The following SDK1 variants were observed in gnomAD, a reference collection of about 807,000 sequenced individuals.
SDK1 encodes protein sidekick-1.
In SDK1, 157 loss-of-function variants were observed where a neutral mutation model predicts 245.5. The ratio of observed to expected loss-of-function variants is 0.64; its 90% CI spans 0.56 to 0.73. The LOEUF (loss-of-function observed/expected upper bound fraction) is 0.73, where lower values mean the gene tolerates loss of function less well. SDK1 is among the 30% of genes least tolerant of loss of function. The pLI, the probability that SDK1 is intolerant of heterozygous loss-of-function variation, is 0.00. For missense variants in SDK1, 3,583 were observed against 3,002.3 expected (o/e 1.19, Z -4.52); for synonymous variants, 1,647 against 1,278.5 (o/e 1.29, Z -6.15).
At chr7:3,726,430 T>A (rs1779009792) in intron 4 of SDK1, among the ~76,000 whole-genome samples, 1 of 152,240 alleles carries the variant, frequency 6.6e-6, no homozygotes, top group Admixed American at 6.5e-5. Context: ...GTTTTTGCAG[T>A]CTTATGGCAA....
intron 1 of SDK1, among the ~76,000 whole-genome samples, chr7:3,507,358 C>T (rs1274038388): frequency 3.3e-5 from 5 of 152,168 alleles, no homozygotes; most frequent in Admixed American, 2.6e-4. Flanking sequence ...TTTGTATTCT[C>T]CCTTCAAATT....
At chr7:3,779,440 G>T (rs1034607746) in intron 4 of SDK1, among the ~76,000 whole-genome samples, 1 of 151,430 alleles carries the variant, frequency 6.6e-6, no homozygotes, top group Admixed American at 6.6e-5. Flanking sequence ...GTGTGGCAAA[G>T]CCAGTAACCT....
At chr7:3,389,451 C>T (rs1781691386) in intron 1 of SDK1, among the ~76,000 whole-genome samples, 1 of 152,112 alleles carries the variant, frequency 6.6e-6, no homozygotes, top group African/African-American at 2.4e-5. Flanking sequence ...AGGAATGGGC[C>T]ATGAGCCAAG....
intron 19 of SDK1, among the ~76,000 whole-genome samples, chr7:4,058,618 A>G (rs1300526507): frequency 1.3e-5 from 2 of 152,224 alleles, no homozygotes; most frequent in Non-Finnish European, 2.9e-5. Context: ...CTACTCACTT[A>G]TAAGAGAACC....
intron 4 of SDK1, among the ~76,000 whole-genome samples, chr7:3,699,432 A>G (rs1784676306): frequency 6.6e-6 from 1 of 152,220 alleles, no homozygotes; most frequent in African/African-American, 2.4e-5. Flanking sequence ...CTCAGCAAAG[A>G]AATAGAAGAG....
rs76090337 is a variant in SDK1, at chr7:3,457,052, G to T, written c.298+155168G>T. On this transcript the variant is annotated intron_variant, in intron 1 of 44. Coordinates refer to ENST00000404826, the MANE Select transcript of SDK1 (RefSeq NM_152744.4). ...CCTGGCTGCCTGGGAACTTTAATGG[G>T]GGAAGGGAGTCTGGAAAGAAGTGCT... Among the ~76,000 whole-genome samples, 1,349 of 152,260 alleles carry T rather than the reference G, an allele frequency of 8.9e-3. 15 individuals are homozygous for T. The highest frequency in any genetic ancestry group is 0.018 in the South Asian group (89 of 4,828).
intron 4 of SDK1, among the ~76,000 whole-genome samples, chr7:3,736,918 C>T (rs1779332509): frequency 6.6e-6 from 1 of 152,162 alleles, no homozygotes; most frequent in South Asian, 2.1e-4. Flanking sequence ...AAAGTTTGTA[C>T]CCTTTGACGA....
chr7:3,532,576 C>T (rs1783383610), intron 1 of SDK1, among the ~76,000 whole-genome samples: 1 of 152,178 alleles, frequency 6.6e-6, no homozygotes, highest in Non-Finnish European at 1.5e-5. Context: ...CCCAAGTCTT[C>T]TGTCTGCAAG....
intron 1 of SDK1, among the ~76,000 whole-genome samples, chr7:3,323,113 T>C (rs758090768): frequency 1.3e-5 from 2 of 152,182 alleles, no homozygotes; most frequent in Non-Finnish European, 2.9e-5. Context: ...GGTTTTGCCC[T>C]TTTGTTTGCA....
intron 1 of SDK1, among the ~76,000 whole-genome samples, chr7:3,459,300 A>G (rs751721840): frequency 7.9e-5 from 12 of 152,132 alleles, no homozygotes; most frequent in African/African-American, 1.4e-4. Context: ...CAGTTGTCAT[A>G]CTTTTTGTAT....
At position 4,185,959 on chromosome 7, in the gene SDK1, G is replaced by C. The variant is rs13235716; in HGVS notation, c.5098+7373G>C. Among the ~76,000 whole-genome samples, 747 of 152,232 alleles carry C rather than the reference G, an allele frequency of 4.9e-3. 2 individuals carry two copies. Among genetic ancestry groups the C allele is most frequent in the African/African-American group, 0.015 (627 of 41,546 alleles). On this transcript the variant is annotated intron_variant, in intron 35 of 44. Transcript: ENST00000404826. ...GACTGAGTGACCCCTGAGCTCTAAG[G>C]GGGGATGGAGCGGCTCCAGGGCCCA...
At chr7:4,067,353 A>G (rs536418636) in intron 19 of SDK1, among the ~76,000 whole-genome samples, 12 of 152,266 alleles carry the variant, frequency 7.9e-5, no homozygotes, top group Non-Finnish European at 1.3e-4. Flanking sequence ...CCTTCAGGAT[A>G]CCGATTGGGT....
Position 3,701,635 on chromosome 7 carries a change from T to G in SDK1, c.713+59530T>G, listed in dbSNP as rs567706678. On this transcript the variant is annotated intron_variant, in intron 4 of 44. Transcript: ENST00000404826. ...AAAATATAAAAGATTATTCTAAAAT[T>G]TATGTGGTTAAGCAAAGGAGCTGGA... Among the ~76,000 whole-genome samples, 17 of 152,174 alleles carry G rather than the reference T, an allele frequency of 1.1e-4. No homozygotes were observed. In the South Asian group the frequency reaches 2.9e-3, roughly 26 times the overall value.
chr7:3,621,254 G>T (rs1405916263), intron 2 of SDK1, among the ~76,000 whole-genome samples: 1 of 152,154 alleles, frequency 6.6e-6, no homozygotes, highest in Middle Eastern at 3.2e-3. Flanking sequence ...TGTTTGAGTA[G>T]TGACTGATAA....
At chr7:4,074,746 C>T (rs971369580) in intron 20 of SDK1, among the ~76,000 whole-genome samples, 4 of 150,784 alleles carry the variant, frequency 2.7e-5, no homozygotes, top group Admixed American at 1.3e-4. Flanking sequence ...GCCTATAGTA[C>T]CAGCTACTTG....
At chr7:3,956,873 G>A (rs1005789324) in intron 7 of SDK1, among the ~76,000 whole-genome samples, 11 of 152,246 alleles carry the variant, frequency 7.2e-5, no homozygotes, top group South Asian at 2.1e-4. Flanking sequence ...TGGAGTGCCC[G>A]TCTCCCTGAC....
Position 3,606,271 on chromosome 7 carries a change from A to G in SDK1, c.299-12809A>G, listed in dbSNP as rs540134904. On this transcript the variant is annotated intron_variant, in intron 1 of 44. Transcript: ENST00000404826. ...CCTTAGGCCCCAGGTCTGATCAACC[A>G]TTGCCACCTTTACTGCAACCAGTTT... Among the ~76,000 whole-genome samples the G allele has an allele frequency of 5.3e-5, 8 of 152,190 alleles. No individual in the cohort carries two copies. In the South Asian group the frequency reaches 1.5e-3, roughly 28 times the overall value.
intron 5 of SDK1, among the ~76,000 whole-genome samples, chr7:3,908,151 A>C (rs1339476082): frequency 6.6e-6 from 1 of 152,158 alleles, no homozygotes; most frequent in East Asian, 1.9e-4. Context: ...CCCTGGAGTA[A>C]CGTGCTGAGG....
intron 1 of SDK1, among the ~76,000 whole-genome samples, chr7:3,595,552 G>A (rs1400671946): frequency 6.6e-5 from 10 of 151,916 alleles, no homozygotes; most frequent in Non-Finnish European, 4.4e-5. Context: ...ATTTAATTAT[G>A]CAGTTATAAT....
Sources: gnomAD v4.1 joint callset for allele counts (sites outside exome capture counted in the v4.1 genomes callset) on GRCh38, gnomAD v4.1.1 for gene constraint, MANE v1.5 for transcripts, NCBI Gene and HGNC (gene_info 2026-07-23, HGNC 2026-07-21) for gene names.